The following FAAH2 variants were observed in gnomAD, a reference collection of about 807,000 sequenced individuals.
FAAH2 encodes the protein fatty acid amide hydrolase 2, also known as fatty-acid amide hydrolase 2.
FAAH2 carries 60 observed loss-of-function variants against 36.9 expected under a neutral mutation model. The ratio of observed to expected loss-of-function variants is 1.63; its 90% CI spans 1.32 to 2.02. FAAH2 has a LOEUF of 2.02. FAAH2 is among the 30% of genes most tolerant of loss of function. FAAH2 has a pLI of 0.00. For synonymous variants in FAAH2, 214 were observed against 143.8 expected, an observed-to-expected ratio of 1.49 and a Z score of -3.49; for missense variants, 689 against 397.5, an observed-to-expected ratio of 1.73 and a Z score of -6.23.
In FAAH2 at chrX:57,310,678, T is replaced by G; in HGVS notation, c.361T>G (p.Trp121Gly). 2 of 1,209,867 alleles carry G rather than the reference T, an allele frequency of 1.7e-6. No individual in the cohort carries two copies. The highest frequency in any genetic ancestry group is 3.5e-5 in the South Asian group (2 of 56,517). The change falls in exon 3 of 11, where the codon TGG becomes GGG. Residue 121 changes from tryptophan to glycine, a missense_variant. Trp to Gly is a radical substitution (Grantham distance 184, BLOSUM62 -2). Transcript: ENST00000374900. ...AGATGAAGCCACCCTGGAAAATAAA[T>G]GGCCCTTCCTTGGGGTTCCTTTGAC... ...QEDEATLENK[W>G]PFLGVPLTVK... is the part of the protein sequence containing the mutation.
chrX:57,361,393 C>A (rs1303402357), intron 5 of FAAH2, among the ~76,000 whole-genome samples: 1 of 111,119 alleles, frequency 9.0e-6, no homozygotes, highest in Admixed American at 9.6e-5. Flanking sequence ...TTTATAAACT[C>A]TTTCTACTTT....
rs1274051002 is a variant in FAAH2 at position 57,481,118 on chromosome X, GTTAT to G, written c.1424-7635_1424-7632del. On this transcript the variant is annotated intron_variant, in intron 10 of 10. Coordinates refer to ENST00000374900, the MANE Select transcript of FAAH2 (RefSeq NM_174912.4). ...GTCATTTATATTCCTCTCTAAGTTG[GTTAT>G]TTAAGTTAGCATTTCCTGTAACCTT... is the stretch of plus-strand genomic sequence containing the variant. Among the ~76,000 whole-genome samples the G allele has an allele frequency of 2.7e-5, 3 of 109,586 alleles. No homozygotes were observed. The East Asian group carries it at 8.7e-4, about 32-fold the overall frequency.
chrX:57,367,536 C>CA (rs754197508), intron 5 of FAAH2, among the ~76,000 whole-genome samples: 2 of 112,280 alleles, frequency 1.8e-5, no homozygotes, highest in Admixed American at 1.9e-4. Flanking sequence ...AAAACAAGGG[C>CA]AAAAACAATG....
At chrX:57,258,524 A>AATATATGTGTAAGCC in the FAAH2 span, among the ~76,000 whole-genome samples, 441 of 111,202 alleles carry the variant, frequency 4.0e-3, 3 homozygotes, top group African/African-American at 0.014. Context: ...AGGATGAGAT[A>AATATATGTGTAAGCC]ATATATGTGT....
At chrX:57,460,555 T>C (rs1461721873) in intron 10 of FAAH2, among the ~76,000 whole-genome samples, 1 of 111,803 alleles carries the variant, frequency 8.9e-6, no homozygotes, top group Non-Finnish European at 1.9e-5. Context: ...CAAACTAAGC[T>C]TCATAAGCAA....
At chrX:57,296,654 C>T (rs961385137) in intron 2 of FAAH2, among the ~76,000 whole-genome samples, 2 of 111,453 alleles carry the variant, frequency 1.8e-5, no homozygotes, top group Non-Finnish European at 3.8e-5. Flanking sequence ...CAAACTACTG[C>T]AAGCTAAAGG....
intron 8 of FAAH2, among the ~76,000 whole-genome samples, chrX:57,443,867 A>T (rs1182022737): frequency 8.9e-6 from 1 of 111,921 alleles, no homozygotes; most frequent in Non-Finnish European, 1.9e-5. Context: ...GTTGGAGTTT[A>T]CTAAGGTCCA....
intron 5 of FAAH2, among the ~76,000 whole-genome samples, chrX:57,344,557 C>G (rs963189097): frequency 9.0e-6 from 1 of 111,055 alleles, no homozygotes; most frequent in East Asian, 2.8e-4. Flanking sequence ...TTGTCTTTGT[C>G]CTATTTGAAT....
intron 7 of FAAH2, chrX:57,392,530 CT>C: frequency 1.3e-6 from 1 of 763,285 alleles, no homozygotes; most frequent in Non-Finnish European, 1.9e-6. Context: ...AGTTTCAGAT[CT>C]TCTGGGCAGG....
chrX:57,212,966 T>C, the FAAH2 span, among the ~76,000 whole-genome samples: 23 of 111,591 alleles, frequency 2.1e-4, no homozygotes, highest in Non-Finnish European at 3.4e-4. Flanking sequence ...TTTGTTGTTG[T>C]TGTTGTTGTT....
chrX:57,447,829 A>G (rs1283280885), intron 9 of FAAH2, among the ~76,000 whole-genome samples: 3 of 111,816 alleles, frequency 2.7e-5, no homozygotes, highest in Non-Finnish European at 3.8e-5. Context: ...GGCTGCCACA[A>G]AGGACTCTGA....
chrX:57,257,520 A>G, the FAAH2 span, among the ~76,000 whole-genome samples: 1 of 109,708 alleles, frequency 9.1e-6, no homozygotes, highest in Middle Eastern at 4.7e-3. Flanking sequence ...AGGGAGAGGA[A>G]TATCACACAC....
At chrX:57,185,543 T>TTC in the FAAH2 span, among the ~76,000 whole-genome samples, 2 of 109,353 alleles carry the variant, frequency 1.8e-5, no homozygotes, top group African/African-American at 6.7e-5. Flanking sequence ...TGCGTGTATG[T>TTC]GTGTGTGCGT....
chrX:57,268,708 GGAAA>G, the FAAH2 span, among the ~76,000 whole-genome samples: 1 of 111,227 alleles, frequency 9.0e-6, no homozygotes, highest in Non-Finnish European at 1.9e-5. Flanking sequence ...ATATTTTTAA[GGAAA>G]AGAAATTCCA....
the FAAH2 span, among the ~76,000 whole-genome samples, chrX:57,267,407 G>A: frequency 8.9e-6 from 1 of 112,379 alleles, no homozygotes. Flanking sequence ...TTACAACCTG[G>A]GCAATCACGC....
intron 7 of FAAH2, among the ~76,000 whole-genome samples, chrX:57,427,098 T>C (rs1164638694): frequency 1.8e-5 from 2 of 109,699 alleles, no homozygotes; most frequent in African/African-American, 6.6e-5. Context: ...AACTAGAGAG[T>C]AGCATGAACA....
the FAAH2 span, among the ~76,000 whole-genome samples, chrX:57,189,734 A>T: frequency 5.7e-4 from 63 of 111,430 alleles, no homozygotes; most frequent in East Asian, 1.1e-3. Context: ...AACAACAAAG[A>T]TGGTTGCCTG....
the FAAH2 span, among the ~76,000 whole-genome samples, chrX:57,162,144 T>C: frequency 8.9e-6 from 1 of 111,835 alleles, no homozygotes; most frequent in African/African-American, 3.3e-5. Context: ...GGATATGAAA[T>C]TCTGGGTTGA....
At chrX:57,482,298 G>A (rs1045811856) in intron 10 of FAAH2, among the ~76,000 whole-genome samples, 16 of 110,970 alleles carry the variant, frequency 1.4e-4, no homozygotes, top group Non-Finnish European at 2.3e-4. Context: ...GGTGCCACTG[G>A]GATATGACAA....
Sources: allele counts gnomAD v4.1 joint callset (sites outside exome capture counted in the v4.1 genomes callset), GRCh38; gene constraint gnomAD v4.1.1; transcripts MANE v1.5; gene names NCBI Gene and HGNC (gene_info 2026-07-23, HGNC 2026-07-21).